Variants in CFAP47 observed in about 807,000 individuals in gnomAD.
CFAP47 encodes cilia- and flagella-associated protein 47.
In CFAP47, 29 loss-of-function variants were observed where a neutral mutation model predicts 148.1. That is an observed-to-expected ratio of 0.20 (90% CI 0.15 to 0.27). The LOEUF (loss-of-function observed/expected upper bound fraction) is 0.27. CFAP47 is among the 10% of genes least tolerant of loss of function. The pLI is 1.00. For missense variants in CFAP47, 1,872 were observed against 1,697.5 expected, an observed-to-expected ratio of 1.10 and a Z score of -1.81; for synonymous variants, 664 against 577.3, an observed-to-expected ratio of 1.15 and a Z score of -2.15.
At chrX:36,206,405 C>T (rs1426678848) in intron 45 of CFAP47, among the ~76,000 whole-genome samples, 5 of 111,603 alleles carry the variant, frequency 4.5e-5, no homozygotes, top group Non-Finnish European at 7.5e-5. Flanking sequence ...TTCAGCCATT[C>T]GTTCATCGAC....
intron 57 of CFAP47, among the ~76,000 whole-genome samples, chrX:36,323,732 ATTAC>A (rs781827900): frequency 4.6e-5 from 5 of 109,408 alleles, no homozygotes; most frequent in Non-Finnish European, 7.6e-5. Flanking sequence ...TATTTCTCAT[ATTAC>A]TTTCTTTCAG....
At chrX:36,349,345 C>T (rs1399351721) in intron 58 of CFAP47, among the ~76,000 whole-genome samples, 2 of 111,240 alleles carry the variant, frequency 1.8e-5, no homozygotes, top group Non-Finnish European at 3.8e-5. Flanking sequence ...CTTACTGCAA[C>T]GTTCGCCTCC....
At chrX:36,159,614 A>G (rs1017708934) in intron 38 of CFAP47, 38 bp downstream of exon 38, 7 of 294,245 alleles carry the variant, frequency 2.4e-5, no homozygotes, top group Admixed American at 1.9e-4. Flanking sequence ...TGCTTCTCTT[A>G]TCAGACCATG....
At chrX:36,067,819 T>A (rs144998160) in intron 27 of CFAP47, among the ~76,000 whole-genome samples, 1 of 109,314 alleles carries the variant, frequency 9.1e-6, no homozygotes, top group Non-Finnish European at 1.9e-5. Context: ...CCCGCCACCA[T>A]GGCCGGCTAA....
At chrX:36,101,407 A>G (rs1335555562) in intron 32 of CFAP47, among the ~76,000 whole-genome samples, 1 of 112,211 alleles carries the variant, frequency 8.9e-6, no homozygotes, top group Non-Finnish European at 1.9e-5. Context: ...GGTTACAAGA[A>G]GTGGAATATG....
intron 26 of CFAP47, among the ~76,000 whole-genome samples, chrX:36,059,564 G>A (rs1937578662): frequency 8.9e-6 from 1 of 112,014 alleles, no homozygotes; most frequent in African/African-American, 3.2e-5. Context: ...ATATTTAGCA[G>A]TTCTACTCTT....
At chrX:36,285,914 T>C (rs1556004487) in intron 51 of CFAP47, among the ~76,000 whole-genome samples, 188 bp downstream of exon 51, 1 of 111,954 alleles carries the variant, frequency 8.9e-6, no homozygotes, top group African/African-American at 3.2e-5. Context: ...TTGGAAAACA[T>C]CTTTTAGTTA....
Position 36,173,305 on chromosome X carries a change from T to C in CFAP47, c.6027-6040T>C, listed in dbSNP as rs372541839. On this transcript the variant is annotated intron_variant, in intron 39 of 63. Coordinates refer to ENST00000378653, the MANE Select transcript of CFAP47 (RefSeq NM_001304548.2). The stretch of plus-strand genomic sequence containing the variant: ...TTCTTTTGTCTCTATTTCCTTCAGT[T>C]CTGCTCTGATTTTAGTTATTTCTTG... Among the ~76,000 whole-genome samples, 68 of 111,997 alleles carry C rather than the reference T, an allele frequency of 6.1e-4. 1 individual carries two copies. The highest frequency in any genetic ancestry group is 2.0e-3 in the East Asian group (7 of 3,569).
chrX:36,092,322 T>C (rs771393017), intron 30 of CFAP47, among the ~76,000 whole-genome samples: 33 of 111,558 alleles, frequency 3.0e-4, no homozygotes, highest in Non-Finnish European at 5.3e-4. Flanking sequence ...TTTGTGGTTA[T>C]AGGTACTCAA....
rs777430442 is a variant in CFAP47, at chrX:36,138,368, T to C, written c.5439T>C (p.Asn1813=). The C allele has an allele frequency of 8.7e-7, 1 of 1,143,984 alleles. No individual in the cohort carries two copies. The allele number at this position is 1,143,984 out of a possible 1,213,427, so 94.3% of individuals were successfully genotyped here. ...CPFLIESHFI[N]MYTRPKSPEE... is the part of the protein sequence containing the mutation. The stretch of plus-strand genomic sequence containing the variant: ...TACAGATTGAGTCTCATTTTATAAA[T>C]ATGTACACACGACCAAAAAGTCCTG... Residue 1813 remains asparagine (N), a synonymous_variant, in exon 35 of 64, where the codon AAT becomes AAC. Coordinates refer to ENST00000378653, the MANE Select transcript of CFAP47 (RefSeq NM_001304548.2).
At chrX:36,372,747 T>C (rs1436084631) in intron 62 of CFAP47, among the ~76,000 whole-genome samples, 2 of 112,199 alleles carry the variant, frequency 1.8e-5, no homozygotes, top group Non-Finnish European at 3.8e-5. Context: ...GACCAAAATA[T>C]AGATGATAAA....
intron 23 of CFAP47, among the ~76,000 whole-genome samples, chrX:36,033,989 A>T (rs943706258): frequency 5.4e-5 from 6 of 111,224 alleles, no homozygotes; most frequent in African/African-American, 2.0e-4. Context: ...GCATTTTTTT[A>T]AAATGAGAAA....
At chrX:36,090,533 G>A (rs1180834771) in intron 30 of CFAP47, among the ~76,000 whole-genome samples, 1 of 111,292 alleles carries the variant, frequency 9.0e-6, no homozygotes, top group African/African-American at 3.3e-5. Context: ...TGAGGATGCA[G>A]GTATGGAAGA....
At chrX:36,215,362 G>A (rs1282402562) in intron 45 of CFAP47, among the ~76,000 whole-genome samples, 5 of 111,373 alleles carry the variant, frequency 4.5e-5, no homozygotes, top group Admixed American at 3.8e-4. Context: ...ATTTAAGGTG[G>A]CATTCTCTAG....
intron 56 of CFAP47, among the ~76,000 whole-genome samples, chrX:36,313,978 C>A (rs1941413811): frequency 8.9e-6 from 1 of 111,972 alleles, no homozygotes; most frequent in African/African-American, 3.2e-5. Flanking sequence ...GCTTTTGATG[C>A]TTGTCTGCTG....
intron 33 of CFAP47, among the ~76,000 whole-genome samples, chrX:36,130,476 G>A (rs1348408721): frequency 9.0e-6 from 1 of 110,995 alleles, no homozygotes; most frequent in Non-Finnish European, 1.9e-5. Flanking sequence ...ACTGTTGGGG[G>A]GAATGTAAAT....
At chrX:36,042,653 G>A (rs182374521) in intron 25 of CFAP47, among the ~76,000 whole-genome samples, 287 of 110,800 alleles carry the variant, frequency 2.6e-3, no homozygotes, top group African/African-American at 8.8e-3. Context: ...AGTTAAATAC[G>A]CCTGTATTCA....
In CFAP47 at chrX:36,073,130, T is replaced by G. The variant is rs73468996; in HGVS notation, c.4466-9T>G. On this transcript the variant is annotated splice_polypyrimidine_tract_variant and intron_variant, in intron 28 of 63. Transcript: ENST00000378653. Reference sequence around the variant, plus strand: ...TAGCCCTTTTTTAACAAACTAATTTTAATTTTAGGAGTGGAAGTACTGCCT... The same window carrying G: ...TAGCCCTTTTTTAACAAACTAATTTGAATTTTAGGAGTGGAAGTACTGCCT... 2,151 of 1,177,382 alleles carry G rather than the reference T, an allele frequency of 1.8e-3. 20 individuals carry two copies. In the African/African-American group the frequency reaches 0.033, roughly 18 times the overall value.
intron 1 of CFAP47, among the ~76,000 whole-genome samples, chrX:35,924,707 GTTCTATAAGTATCTTATA>G (rs1434260078): frequency 9.1e-6 from 1 of 110,382 alleles, no homozygotes; most frequent in Non-Finnish European, 1.9e-5. Flanking sequence ...AGCCACGTTA[GTTCTATAAGTATCTTATA>G]TTTTTAAAGT....
Sources: gnomAD v4.1 joint callset for allele counts (sites outside exome capture counted in the v4.1 genomes callset) on GRCh38, gnomAD v4.1.1 for gene constraint, MANE v1.5 for transcripts, NCBI Gene and HGNC (gene_info 2026-07-23, HGNC 2026-07-21) for gene names.